Variants in CACNA1D observed in about 807,000 individuals in gnomAD.
CACNA1D encodes the protein calcium voltage-gated channel subunit alpha1 D.
In CACNA1D, 55 loss-of-function variants were observed where a neutral mutation model predicts 257.1. That is an observed-to-expected ratio of 0.21 (90% confidence interval 0.17 to 0.27). The LOEUF is 0.27. Ranked by LOEUF, CACNA1D falls within the 10% of genes least tolerant of loss-of-function variation. CACNA1D has a pLI of 1.00. For missense variants in CACNA1D, 1,876 were observed against 2,784.0 expected (o/e 0.67, Z 7.34); for synonymous variants, 980 against 1,014.9 (o/e 0.97, Z 0.65).
intron 46 of CACNA1D, chr3:53,809,641 C>A (rs1418360723): frequency 5.2e-6 from 2 of 382,082 alleles, no homozygotes; most frequent in Non-Finnish European, 9.9e-6. Context: ...GTATTTAAAC[C>A]CAGCATGAAC....
At chr3:53,582,702 C>T (rs1047531973) in intron 3 of CACNA1D, among the ~76,000 whole-genome samples, 3 of 152,130 alleles carry the variant, frequency 2.0e-5, no homozygotes, top group Non-Finnish European at 4.4e-5. Context: ...CCTGGGAAAA[C>T]ATCACCTCCC....
At chr3:53,514,240 C>T (rs750693488) in intron 3 of CACNA1D, among the ~76,000 whole-genome samples, 1 of 152,010 alleles carries the variant, frequency 6.6e-6, no homozygotes, top group African/African-American at 2.4e-5. Flanking sequence ...CTGACTCAAG[C>T]GCCCACGCTC....
intron 3 of CACNA1D, among the ~76,000 whole-genome samples, chr3:53,544,633 G>A (rs2092373117): frequency 6.6e-6 from 1 of 152,208 alleles, no homozygotes; most frequent in African/African-American, 2.4e-5. Context: ...CCCAGTGGGA[G>A]GTTAGAGCTT....
At chr3:53,786,028 G>A (rs1259287759) in intron 39 of CACNA1D, 1 of 152,424 alleles carries the variant, frequency 6.6e-6, no homozygotes, top group Non-Finnish European at 1.5e-5. Flanking sequence ...GGAGAGCCAT[G>A]GGGCACATTT....
chr3:53,697,203 G>T (rs371478714), intron 8 of CACNA1D, among the ~76,000 whole-genome samples: 5 of 152,342 alleles, frequency 3.3e-5, no homozygotes, highest in East Asian at 3.9e-4. Flanking sequence ...TGGCCGTGGA[G>T]GCTGCTCCAG....
At chr3:53,643,561 G>A (rs2093986365) in intron 3 of CACNA1D, among the ~76,000 whole-genome samples, 1 of 152,088 alleles carries the variant, frequency 6.6e-6, no homozygotes, top group African/African-American at 2.4e-5. Context: ...GCTCTTCCCT[G>A]GGGTCTCTGC....
intron 3 of CACNA1D, among the ~76,000 whole-genome samples, chr3:53,632,537 A>C (rs1005291819): frequency 6.6e-6 from 1 of 152,226 alleles, no homozygotes; most frequent in Non-Finnish European, 1.5e-5. Flanking sequence ...TGCATTCACA[A>C]CTTGGCTAAT....
intron 3 of CACNA1D, among the ~76,000 whole-genome samples, chr3:53,534,903 C>T (rs1342325183): frequency 1.3e-5 from 2 of 152,156 alleles, no homozygotes; most frequent in African/African-American, 2.4e-5. Context: ...TTCTTATGCA[C>T]CTCATCAGTT....
intron 3 of CACNA1D, among the ~76,000 whole-genome samples, chr3:53,581,735 G>T (rs1407473750): frequency 2.0e-5 from 3 of 152,200 alleles, no homozygotes; most frequent in African/African-American, 7.2e-5. Flanking sequence ...GCTGGATGTA[G>T]CTGAGCTAGA....
chr3:53,519,963 C>T (rs999018838), intron 3 of CACNA1D, among the ~76,000 whole-genome samples: 4 of 152,172 alleles, frequency 2.6e-5, no homozygotes, highest in South Asian at 2.1e-4. Context: ...TTCATACTAT[C>T]GTGTGTATCA....
intron 29 of CACNA1D, among the ~76,000 whole-genome samples, chr3:53,754,604 C>CTCA (rs2095250904): frequency 6.6e-6 from 1 of 152,206 alleles, no homozygotes; most frequent in African/African-American, 2.4e-5. Flanking sequence ...CACCACCACC[C>CTCA]TCATCATCAT....
chr3:53,560,153 G>A (rs1302191066), intron 3 of CACNA1D, among the ~76,000 whole-genome samples: 4 of 150,248 alleles, frequency 2.7e-5, no homozygotes, highest in Non-Finnish European at 5.9e-5. Flanking sequence ...CTTTTGGATG[G>A]TGAGCTGCCT....
chr3:53,768,358 G>A (rs3774579), intron 30 of CACNA1D, among the ~76,000 whole-genome samples: 90,292 of 152,056 alleles, frequency 0.59, 27,571 homozygotes, highest in Non-Finnish European at 0.66. Flanking sequence ...GTGCACATGC[G>A]GGCACACTTA....
rs1486593562 is a variant in CACNA1D at position 53,640,167 on chromosome 3, T to G, written c.484-10612T>G. On this transcript the variant is annotated intron_variant, in intron 3 of 47. Coordinates refer to ENST00000350061, the MANE Select transcript of CACNA1D (RefSeq NM_001128840.3). The stretch of plus-strand genomic sequence containing the variant: ...GTGAGCCACTGTGCCCAGCCACCAT[T>G]TCTTACTTTTTGGCAAAGGAAGTAG... Among the ~76,000 whole-genome samples the G allele has an allele frequency of 2.6e-5, 4 of 152,178 alleles. No individual in the cohort carries two copies. The East Asian group carries it at 7.7e-4, about 29-fold the overall frequency.
At chr3:53,626,104 C>T (rs1050559808) in intron 3 of CACNA1D, among the ~76,000 whole-genome samples, 2 of 152,194 alleles carry the variant, frequency 1.3e-5, no homozygotes, top group Non-Finnish European at 2.9e-5. Flanking sequence ...GAAGAGTTTG[C>T]ACCTTACTCT....
intron 8 of CACNA1D, among the ~76,000 whole-genome samples, chr3:53,683,142 G>C (rs2094447468): frequency 6.6e-6 from 1 of 152,180 alleles, no homozygotes; most frequent in African/African-American, 2.4e-5. Context: ...TACTCAGAGT[G>C]GAGGTTCTTT....
In CACNA1D at chr3:53,801,375, T is replaced by C. The variant is rs1296178531; in HGVS notation, c.5358T>C (p.His1786=). The change falls in exon 42 of 48, where the codon CAT becomes CAC. Residue 1786 remains histidine (H), a synonymous_variant. Coordinates refer to ENST00000350061, the MANE Select transcript of CACNA1D (RefSeq NM_001128840.3). ...NLEHVSENGH[H]SSHKHDREPQ... is the part of the protein sequence containing the mutation. ...AGCATGTGTCTGAAAATGGGCATCATTCTTCCCACAAGCATGACCGGGAGC... is the reference window on the plus strand; with the variant it reads ...AGCATGTGTCTGAAAATGGGCATCACTCTTCCCACAAGCATGACCGGGAGC... 2.5e-6 allele frequency: 4 copies of C among 1,614,044 alleles called. No individual in the cohort carries two copies. The Admixed American group carries it at 6.7e-5, about 27-fold the overall frequency.
intron 21 of CACNA1D, among the ~76,000 whole-genome samples, chr3:53,740,796 A>G (rs2095109962): frequency 6.6e-6 from 1 of 152,172 alleles, no homozygotes; most frequent in South Asian, 2.1e-4. Context: ...TCTATGTGTG[A>G]ACTTTTTTCC....
chr3:53,637,124 A>G (rs3774496), intron 3 of CACNA1D, among the ~76,000 whole-genome samples: 25,550 of 151,990 alleles, frequency 0.17, 3,307 homozygotes, highest in African/African-American at 0.36. Flanking sequence ...CAATGGGAAA[A>G]GCTCACACAA....
Sources: gnomAD v4.1 joint callset for allele counts (sites outside exome capture counted in the v4.1 genomes callset) on GRCh38, gnomAD v4.1.1 for gene constraint, MANE v1.5 for transcripts, NCBI Gene and HGNC (gene_info 2026-07-23, HGNC 2026-07-21) for gene names.